The following UNC5D variants were observed in gnomAD, a reference collection of about 807,000 sequenced individuals.
UNC5D encodes the protein netrin receptor UNC5D.
Under a neutral mutation model 105.4 loss-of-function variants are expected in UNC5D, and 39 were observed. The observed-to-expected ratio is 0.37, with a 90% confidence interval of 0.29 to 0.48. UNC5D has a LOEUF of 0.48. UNC5D is among the 20% of genes least tolerant of loss of function. The pLI, the probability that UNC5D is intolerant of heterozygous loss-of-function variation, is 0.98. For synonymous variants in UNC5D, 452 were observed against 450.4 expected (o/e 1.00, Z -0.04); for missense variants, 991 against 1,202.4 (o/e 0.82, Z 2.60).
At chr8:35,406,952 A>G (rs1196952739) in intron 1 of UNC5D, among the ~76,000 whole-genome samples, 1 of 152,152 alleles carries the variant, frequency 6.6e-6, no homozygotes, top group Non-Finnish European at 1.5e-5. Flanking sequence ...ATGCATATAT[A>G]TGTATACATA....
At chr8:35,379,992 G>T (rs1007279379) in intron 1 of UNC5D, among the ~76,000 whole-genome samples, 8 of 149,698 alleles carry the variant, frequency 5.3e-5, no homozygotes, top group Non-Finnish European at 8.9e-5. Flanking sequence ...AGTTCTTCAG[G>T]CTGGGACACC....
intron 1 of UNC5D, among the ~76,000 whole-genome samples, chr8:35,512,715 T>C (rs1377433708): frequency 6.6e-6 from 1 of 150,710 alleles, no homozygotes; most frequent in Non-Finnish European, 1.5e-5. Flanking sequence ...TTGGTGAACT[T>C]ACCCGTTTTA....
intron 4 of UNC5D, among the ~76,000 whole-genome samples, chr8:35,650,635 T>C (rs1392998280): frequency 6.6e-6 from 1 of 150,924 alleles, no homozygotes; most frequent in Non-Finnish European, 1.5e-5. Flanking sequence ...GCCCAGCTAA[T>C]TTTTTTTTGT....
At chr8:35,716,500 C>T (rs1428348438) in intron 8 of UNC5D, among the ~76,000 whole-genome samples, 1 of 152,162 alleles carries the variant, frequency 6.6e-6, no homozygotes, top group Non-Finnish European at 1.5e-5. Flanking sequence ...GACTACTTAC[C>T]AATCATGAGG....
intron 1 of UNC5D, among the ~76,000 whole-genome samples, chr8:35,329,695 T>G (rs1337133901): frequency 6.6e-6 from 1 of 152,154 alleles, no homozygotes; most frequent in African/African-American, 2.4e-5. Flanking sequence ...AAAAAGTCTG[T>G]AACTGGGGCC....
At chr8:35,352,294 A>C (rs559780723) in intron 1 of UNC5D, among the ~76,000 whole-genome samples, 28 of 152,194 alleles carry the variant, frequency 1.8e-4, no homozygotes, top group African/African-American at 6.5e-4. Context: ...CAGGAAAGAC[A>C]TACACATAAA....
intron 1 of UNC5D, among the ~76,000 whole-genome samples, chr8:35,409,385 C>T (rs1220831368): frequency 6.6e-6 from 1 of 151,038 alleles, no homozygotes; most frequent in Non-Finnish European, 1.5e-5. Context: ...GCCTCCACAG[C>T]CTTGGTGTTG....
chr8:35,239,649 G>T (rs925832091), intron 1 of UNC5D, among the ~76,000 whole-genome samples: 2 of 152,112 alleles, frequency 1.3e-5, no homozygotes, highest in Non-Finnish European at 2.9e-5. Context: ...TTCACAGGGA[G>T]CCCAGATGTG....
intron 2 of UNC5D, among the ~76,000 whole-genome samples, chr8:35,554,073 C>G (rs1172709659): frequency 6.6e-6 from 1 of 152,146 alleles, no homozygotes; most frequent in Non-Finnish European, 1.5e-5. Context: ...TCTGTCCTCA[C>G]AGAACTAATG....
In UNC5D at chr8:35,726,406, A is replaced by G. The variant is rs1243728837; in HGVS notation, c.1558A>G (p.Thr520Ala). Reference sequence around the variant, plus strand: ...CCATGGAAACAACCACAGCTTTAGTACAATGCATCCCAGAAATAAAATGCC... The same window carrying G: ...CCATGGAAACAACCACAGCTTTAGTGCAATGCATCCCAGAAATAAAATGCC... The part of the protein sequence containing the change: ...FPHGNNHSFS[T>A]MHPRNKMPYI... Residue 520 changes from threonine (T) to alanine (A), a missense_variant, in exon 10 of 17, where the codon ACA becomes GCA. Physicochemically the swap from Thr to Ala is moderately conservative, Grantham distance 58. Coordinates refer to ENST00000404895, the MANE Select transcript of UNC5D (RefSeq NM_080872.4). The G allele has an allele frequency of 6.2e-7, 1 of 1,614,188 alleles. No individual in the cohort carries two copies. The highest frequency in any genetic ancestry group is 1.1e-5 in the South Asian group (1 of 91,084).
intron 1 of UNC5D, among the ~76,000 whole-genome samples, chr8:35,298,991 A>G (rs540666231): frequency 6.6e-6 from 1 of 152,108 alleles, no homozygotes; most frequent in Non-Finnish European, 1.5e-5. Flanking sequence ...TGGAGCTTCA[A>G]AGACAATGTC....
At chr8:35,644,980 G>C (rs928920384) in intron 4 of UNC5D, among the ~76,000 whole-genome samples, 1 of 152,134 alleles carries the variant, frequency 6.6e-6, no homozygotes, top group Non-Finnish European at 1.5e-5. Flanking sequence ...AAAGGTCTTT[G>C]TCTTCGTATA....
chr8:35,713,671 G>C (rs748469181), intron 8 of UNC5D, among the ~76,000 whole-genome samples: 3 of 152,232 alleles, frequency 2.0e-5, no homozygotes, highest in Admixed American at 6.5e-5. Context: ...TGTCTGAATG[G>C]GCACTATCAA....
intron 1 of UNC5D, among the ~76,000 whole-genome samples, chr8:35,308,404 G>A (rs1314059906): frequency 6.6e-6 from 1 of 152,028 alleles, no homozygotes; most frequent in Non-Finnish European, 1.5e-5. Context: ...ACAGTCCTGG[G>A]TTAACCACTA....
chr8:35,399,145 CAAAAAAAAAA>C (rs1029547730), intron 1 of UNC5D, among the ~76,000 whole-genome samples: 2 of 54,702 alleles, frequency 3.7e-5, no homozygotes, highest in Non-Finnish European at 3.7e-5. Flanking sequence ...ACTCCATCTC[CAAAAAAAAAA>C]AAAAAAAAAA....
intron 1 of UNC5D, among the ~76,000 whole-genome samples, chr8:35,250,733 G>C (rs1314700180): frequency 6.6e-6 from 1 of 152,054 alleles, no homozygotes; most frequent in Non-Finnish European, 1.5e-5. Context: ...CTGACCTCAG[G>C]CAATCCGCCC....
intron 1 of UNC5D, among the ~76,000 whole-genome samples, chr8:35,482,502 C>T (rs1810545348): frequency 6.6e-6 from 1 of 152,206 alleles, no homozygotes; most frequent in Non-Finnish European, 1.5e-5. Context: ...CACTTTGCCA[C>T]ACTTTCTAGT....
intron 1 of UNC5D, among the ~76,000 whole-genome samples, chr8:35,347,116 G>A (rs1811859184): frequency 6.6e-6 from 1 of 152,032 alleles, no homozygotes; most frequent in Non-Finnish European, 1.5e-5. Flanking sequence ...TTAATGTTTT[G>A]GAAAATGGCC....
At chr8:35,431,591 C>T (rs1173953143) in intron 1 of UNC5D, among the ~76,000 whole-genome samples, 2 of 152,046 alleles carry the variant, frequency 1.3e-5, no homozygotes, top group Non-Finnish European at 1.5e-5. Flanking sequence ...AAAAACTCTG[C>T]AACTACAATA....
Sources: allele counts gnomAD v4.1 joint callset (sites outside exome capture counted in the v4.1 genomes callset), GRCh38; gene constraint gnomAD v4.1.1; transcripts MANE v1.5; gene names NCBI Gene and HGNC (gene_info 2026-07-23, HGNC 2026-07-21).